The following RBFOX1 variants were observed in gnomAD, a reference collection of about 807,000 sequenced individuals.
The protein encoded by RBFOX1 is RNA binding fox-1 homolog 1, also known as RNA binding protein fox-1 homolog 1.
A neutral mutation model predicts 57.7 loss-of-function variants in RBFOX1; 8 were observed. That is an observed-to-expected ratio of 0.14 (90% CI 0.08 to 0.25). The LOEUF (loss-of-function observed/expected upper bound fraction) is 0.25, where lower values mean the gene tolerates loss of function less well. RBFOX1 is among the 10% of genes least tolerant of loss of function. RBFOX1 has a pLI of 1.00. For missense variants in RBFOX1, 611 were observed against 548.5 expected (o/e 1.11, Z -1.14); for synonymous variants, 326 against 222.4 (o/e 1.47, Z -4.15).
At chr16:6,937,183 C>T (rs879380223) in intron 3 of RBFOX1, among the ~76,000 whole-genome samples, 2 of 151,950 alleles carry the variant, frequency 1.3e-5, no homozygotes, top group Non-Finnish European at 2.9e-5. Flanking sequence ...AATTTTTATT[C>T]TGGAAAATTC....
Position 6,034,646 on chromosome 16 carries a change from C to T in RBFOX1, c.-127+14654C>T, listed in dbSNP as rs568617303. Among the ~76,000 whole-genome samples, 32 of 152,240 alleles carry T rather than the reference C, an allele frequency of 2.1e-4. 1 individual carries two copies. The South Asian group carries it at 5.6e-3, about 27-fold the overall frequency. ...TGTTGCATTGGAGAATAAGTTTGAA[C>T]GTGAATTTTGGCGGGGACACAAACC... On this transcript the variant is annotated intron_variant, in intron 1 of 15. Coordinates refer to ENST00000550418, the MANE Select transcript of RBFOX1 (RefSeq NM_018723.4).
At chr16:6,540,531 G>C (rs2096799326) in intron 2 of RBFOX1, among the ~76,000 whole-genome samples, 1 of 142,060 alleles carries the variant, frequency 7.0e-6, no homozygotes, top group South Asian at 2.3e-4. Context: ...AAAATCGCTT[G>C]AACCTGGGAG....
At position 5,990,915 on chromosome 16, in the gene RBFOX1, A is replaced by G. The variant is rs977451664; in HGVS notation, c.351+123580A>G. ...CTTGAACCTGGAAGGCAGAGGTTGC[A>G]GTGAGATGAGCACACACCACTGAAC... On this transcript the variant is annotated intron_variant, in intron 4 of 19. Coordinates refer to the RBFOX1 transcript ENST00000641259. 3.3e-5 allele frequency among the ~76,000 whole-genome samples: 5 copies of G among 152,334 alleles called. No homozygotes were observed. The East Asian group carries it at 7.7e-4, about 24-fold the overall frequency.
chr16:5,522,009 C>T (rs1415009719), intron 2 of RBFOX1, among the ~76,000 whole-genome samples: 3 of 152,182 alleles, frequency 2.0e-5, no homozygotes, highest in African/African-American at 4.8e-5. Context: ...GTGACTTCCT[C>T]ATCTCTGTAT....
intron 4 of RBFOX1, among the ~76,000 whole-genome samples, chr16:7,135,652 G>C (rs1271376260): frequency 6.6e-6 from 1 of 152,256 alleles, no homozygotes; most frequent in Non-Finnish European, 1.5e-5. Flanking sequence ...CATCCCTGAA[G>C]AATATTGAGG....
chr16:6,462,601 T>C (rs1216166224), intron 2 of RBFOX1, among the ~76,000 whole-genome samples: 1 of 152,192 alleles, frequency 6.6e-6, no homozygotes, highest in East Asian at 1.9e-4. Context: ...ATTTCTTTCA[T>C]TTTGGTACTT....
chr16:5,787,797 C>T (rs1488443745), intron 3 of RBFOX1, among the ~76,000 whole-genome samples: 3 of 152,102 alleles, frequency 2.0e-5, no homozygotes, highest in Non-Finnish European at 2.9e-5. Context: ...CCAAGGTGTT[C>T]CTGTAAAGGG....
chr16:6,377,723 C>G (rs1028862647), intron 2 of RBFOX1, among the ~76,000 whole-genome samples: 13 of 152,184 alleles, frequency 8.5e-5, no homozygotes, highest in African/African-American at 3.1e-4. Flanking sequence ...CAAATTTTGA[C>G]TTTCTGTCTG....
At chr16:5,984,374 A>C (rs1030287927) in intron 4 of RBFOX1, among the ~76,000 whole-genome samples, 13 of 151,538 alleles carry the variant, frequency 8.6e-5, no homozygotes, top group Non-Finnish European at 1.3e-4. Context: ...TAAAGCAATG[A>C]ACTACTTGAA....
chr16:7,354,385 G>A (rs1418609003), intron 4 of RBFOX1, among the ~76,000 whole-genome samples: 1 of 152,176 alleles, frequency 6.6e-6, no homozygotes, highest in Non-Finnish European at 1.5e-5. Flanking sequence ...TTTGTTGAAG[G>A]TGTTTGCTGT....
chr16:7,602,780 ACATCATCTACTCAT>A (rs2095104032), intron 9 of RBFOX1, among the ~76,000 whole-genome samples: 1 of 152,220 alleles, frequency 6.6e-6, no homozygotes, highest in Admixed American at 6.5e-5. Context: ...GCTGCAGAAT[ACATCATCTACTCAT>A]CAACACACGG....
intron 1 of RBFOX1, among the ~76,000 whole-genome samples, chr16:5,369,033 G>T (rs540739650): frequency 6.6e-6 from 1 of 152,200 alleles, no homozygotes; most frequent in African/African-American, 2.4e-5. Flanking sequence ...GACGAGTCTT[G>T]CTCTGTTGCC....
chr16:7,444,327 G>A (rs1004721646), intron 4 of RBFOX1, among the ~76,000 whole-genome samples: 1 of 152,120 alleles, frequency 6.6e-6, no homozygotes, highest in Non-Finnish European at 1.5e-5. Flanking sequence ...CAGAGTCATT[G>A]TCGTAAGATA....
Position 6,921,070 on chromosome 16 carries a change from G to T in RBFOX1, c.-15-130987G>T, listed in dbSNP as rs1313626573. ...AGACTATGGGGCTCAGCAGGTGTTG[G>T]TTTGAGCTCCTGCACCATTCGTTAG... On this transcript the variant is annotated intron_variant, in intron 3 of 15. Transcript: ENST00000550418. Among the ~76,000 whole-genome samples, 3 of 152,136 alleles carry T rather than the reference G, an allele frequency of 2.0e-5. No individual in the cohort carries two copies. The East Asian group carries it at 5.8e-4, about 29-fold the overall frequency.
intron 14 of RBFOX1, among the ~76,000 whole-genome samples, chr16:7,705,788 T>C (rs935525639): frequency 4.1e-4 from 63 of 152,146 alleles, no homozygotes; most frequent in Non-Finnish European, 1.2e-4. Flanking sequence ...GTTGAGTTGG[T>C]GTTGATGAAC....
At chr16:6,197,109 A>G (rs1355133338) in intron 1 of RBFOX1, among the ~76,000 whole-genome samples, 1 of 152,190 alleles carries the variant, frequency 6.6e-6, no homozygotes, top group Non-Finnish European at 1.5e-5. Context: ...AAAGCTTTAT[A>G]TTGGGAGGTT....
intron 4 of RBFOX1, among the ~76,000 whole-genome samples, chr16:5,936,250 A>C (rs1029650743): frequency 6.6e-6 from 1 of 152,018 alleles, no homozygotes; most frequent in African/African-American, 2.4e-5. Context: ...CAGCATCCTG[A>C]GTAGCTGGGA....
intron 4 of RBFOX1, among the ~76,000 whole-genome samples, chr16:7,087,144 C>A (rs75727548): frequency 0.012 from 1,768 of 152,282 alleles, 40 homozygotes; most frequent in African/African-American, 0.04. Flanking sequence ...ATCTGAAGTA[C>A]ATTTAAAGAG....
At chr16:6,794,254 T>A (rs149994879) in intron 3 of RBFOX1, among the ~76,000 whole-genome samples, 1 of 150,880 alleles carries the variant, frequency 6.6e-6, no homozygotes, top group Non-Finnish European at 1.5e-5. Flanking sequence ...CTTTGCTCCA[T>A]GTTGTGTGTT....
Sources: allele counts gnomAD v4.1 joint callset (sites outside exome capture counted in the v4.1 genomes callset), GRCh38; gene constraint gnomAD v4.1.1; transcripts MANE v1.5; gene names NCBI Gene and HGNC (gene_info 2026-07-23, HGNC 2026-07-21).